ZBTB20: variants seen among roughly 807,000 people sequenced by gnomAD.
ZBTB20 encodes zinc finger and BTB domain containing 20.
In ZBTB20, 9 loss-of-function variants were observed where a neutral mutation model predicts 56.9. The ratio of observed to expected loss-of-function variants is 0.16; its 90% CI spans 0.10 to 0.28. The LOEUF (loss-of-function observed/expected upper bound fraction) is 0.28. ZBTB20 is among the 10% of genes least tolerant of loss of function. The pLI, the probability that ZBTB20 is intolerant of heterozygous loss-of-function variation, is 1.00. For synonymous variants in ZBTB20, 417 were observed against 420.7 expected, an observed-to-expected ratio of 0.99 and a Z score of 0.11; for missense variants, 655 against 1,003.0, an observed-to-expected ratio of 0.65 and a Z score of 4.69.
At chr3:114,748,426 TTCTC>T (rs1203306539) in intron 5 of ZBTB20, among the ~76,000 whole-genome samples, 4 of 147,156 alleles carry the variant, frequency 2.7e-5, no homozygotes, top group Non-Finnish European at 6.0e-5. Context: ...CTCTCTCTCT[TTCTC>T]TTTCTTTCTA....
At position 114,486,139 on chromosome 3, in the gene ZBTB20, G is replaced by GT. The variant is rs1577037951; in HGVS notation, c.-255+14212_-255+14213insA. ...GTAAGAGTGTGTGTGTGTGTGTGTG[G>GT]GGGGGGGGGGCGGTGTATGAATTCC... On this transcript the variant is annotated intron_variant, in intron 7 of 11. Coordinates refer to ENST00000675478, the MANE Select transcript of ZBTB20 (RefSeq NM_001348800.3). Among the ~76,000 whole-genome samples the GT allele has an allele frequency of 9.9e-4, 34 of 34,372 alleles. 2 individuals carry two copies. Among genetic ancestry groups the GT allele is most frequent in the East Asian group, 2.1e-3 (2 of 940 alleles). 22.5% of individuals were successfully genotyped at this position (34,372 alleles called of 152,430 possible).
At chr3:114,724,014 G>A (rs1413564279) in intron 5 of ZBTB20, among the ~76,000 whole-genome samples, 2 of 151,618 alleles carry the variant, frequency 1.3e-5, no homozygotes, top group East Asian at 1.9e-4. Context: ...GACTACAGGC[G>A]CCCACCACCG....
chr3:114,544,723 T>A (rs2049653175), intron 6 of ZBTB20, among the ~76,000 whole-genome samples: 1 of 152,068 alleles, frequency 6.6e-6, no homozygotes, highest in South Asian at 2.1e-4. Flanking sequence ...CAGGGTGGTC[T>A]CAAACTCCTG....
intron 5 of ZBTB20, among the ~76,000 whole-genome samples, chr3:114,794,746 C>T (rs1233641034): frequency 2.0e-5 from 3 of 151,968 alleles, no homozygotes; most frequent in Non-Finnish European, 4.4e-5. Context: ...GGCTTAGTGG[C>T]ATACCATGTT....
intron 5 of ZBTB20, among the ~76,000 whole-genome samples, chr3:114,698,828 A>G (rs17619973): frequency 0.051 from 7,727 of 152,234 alleles, 290 homozygotes; most frequent in Middle Eastern, 0.12. Context: ...AGATGCTTTA[A>G]TGACCCATGG....
rs536068508 is a variant in ZBTB20, at chr3:115,117,592, AATT to A, written c.-703+29624_-703+29626del. On this transcript the variant is annotated intron_variant, in intron 1 of 11. Transcript: ENST00000675478. ...AAATTAGGAATTTTTATTTTTAATA[AATT>A]ATTTTATTCCTTTGTGTATTACAAT... Among the ~76,000 whole-genome samples the A allele has an allele frequency of 5.9e-5, 9 of 152,204 alleles. 1 individual carries two copies. The East Asian group carries it at 1.7e-3, about 29-fold the overall frequency.
chr3:114,788,806 G>A (rs1013325998), intron 5 of ZBTB20, among the ~76,000 whole-genome samples: 1 of 152,206 alleles, frequency 6.6e-6, no homozygotes, highest in Non-Finnish European at 1.5e-5. Flanking sequence ...TGGACTCACA[G>A]TTCCACATGG....
At chr3:114,524,824 C>T (rs1423963395) in intron 6 of ZBTB20, among the ~76,000 whole-genome samples, 1 of 152,138 alleles carries the variant, frequency 6.6e-6, no homozygotes, top group African/African-American at 2.4e-5. Flanking sequence ...AAGCGATTCC[C>T]CTGCCGCGGT....
At chr3:114,838,547 TG>T (rs373240278) in intron 4 of ZBTB20, among the ~76,000 whole-genome samples, 3 of 151,430 alleles carry the variant, frequency 2.0e-5, no homozygotes, top group Admixed American at 6.6e-5. Flanking sequence ...ATGGTGTGAC[TG>T]GGGGGGGAAA....
At chr3:114,908,291 A>G (rs939947887) in intron 3 of ZBTB20, among the ~76,000 whole-genome samples, 3 of 152,056 alleles carry the variant, frequency 2.0e-5, no homozygotes, top group Admixed American at 2.0e-4. Flanking sequence ...CATCAAATAC[A>G]TAAAAGTTTT....
chr3:114,417,488 T>C (rs1282273861), intron 7 of ZBTB20, among the ~76,000 whole-genome samples: 3 of 152,194 alleles, frequency 2.0e-5, no homozygotes, highest in South Asian at 4.1e-4. Flanking sequence ...GCGCTCTTAA[T>C]TGGCAAAAGA....
intron 4 of ZBTB20, among the ~76,000 whole-genome samples, chr3:114,842,194 A>G (rs189330480): frequency 2.0e-5 from 3 of 152,046 alleles, no homozygotes; most frequent in Non-Finnish European, 2.9e-5. Flanking sequence ...CCATTACTCT[A>G]CTCCCAAGGA....
chr3:114,505,359 G>C (rs2044483154), intron 6 of ZBTB20, among the ~76,000 whole-genome samples: 1 of 152,106 alleles, frequency 6.6e-6, no homozygotes, highest in Non-Finnish European at 1.5e-5. Context: ...ACCAAAATTG[G>C]TTACTTTCAG....
chr3:114,821,412 G>T (rs900908017), intron 4 of ZBTB20, among the ~76,000 whole-genome samples: 2 of 152,110 alleles, frequency 1.3e-5, no homozygotes, highest in Non-Finnish European at 2.9e-5. Flanking sequence ...TGACAGTCAA[G>T]CTGATAGATA....
intron 6 of ZBTB20, among the ~76,000 whole-genome samples, chr3:114,522,705 G>T (rs1345132808): frequency 6.6e-6 from 1 of 152,112 alleles, no homozygotes; most frequent in Non-Finnish European, 1.5e-5. Context: ...AGGTAGAGCT[G>T]CAGGATTTGT....
intron 7 of ZBTB20, among the ~76,000 whole-genome samples, chr3:114,424,364 G>T (rs2089459087): frequency 6.6e-6 from 1 of 152,114 alleles, no homozygotes; most frequent in Admixed American, 6.5e-5. Context: ...ACAAAGGGAG[G>T]CCATATAGAT....
chr3:114,963,113 CCCT>C (rs745358875), intron 3 of ZBTB20, among the ~76,000 whole-genome samples: 9 of 151,798 alleles, frequency 5.9e-5, no homozygotes, highest in African/African-American at 9.7e-5. Context: ...GTCTCTCAAT[CCCT>C]CCTATGTTTT....
chr3:114,746,426 G>A (rs1268284875), intron 5 of ZBTB20, among the ~76,000 whole-genome samples: 1 of 151,774 alleles, frequency 6.6e-6, no homozygotes, highest in African/African-American at 2.4e-5. Flanking sequence ...TGGATGCTTC[G>A]TTCTAGTAGA....
At chr3:114,671,256 A>C (rs2061344797) in intron 6 of ZBTB20, among the ~76,000 whole-genome samples, 1 of 152,100 alleles carries the variant, frequency 6.6e-6, no homozygotes, top group Non-Finnish European at 1.5e-5. Flanking sequence ...CAAAAAGGGG[A>C]TCTGCAGAGG....
Sources: gnomAD v4.1 joint callset for allele counts (sites outside exome capture counted in the v4.1 genomes callset) on GRCh38, gnomAD v4.1.1 for gene constraint, MANE v1.5 for transcripts, NCBI Gene and HGNC (gene_info 2026-07-23, HGNC 2026-07-21) for gene names.